ELMOD1: variants seen among roughly 807,000 people sequenced by gnomAD.
ELMOD1 encodes ELMO domain containing 1.
A neutral mutation model predicts 46.7 loss-of-function variants in ELMOD1; 21 were observed. That is an observed-to-expected ratio of 0.45 (90% confidence interval 0.32 to 0.65). The LOEUF is 0.65. Among genes scored for constraint, ELMOD1 ranks in the 30% least tolerant of loss-of-function variants. The probability of loss-of-function intolerance (pLI) is 0.04; values close to 1 mark genes in which losing one functional copy is unlikely to be tolerated. For missense variants in ELMOD1, 348 were observed against 407.8 expected (o/e 0.85, Z 1.26); for synonymous variants, 122 against 138.2 (o/e 0.88, Z 0.82).
chr11:107,597,414 T>C (rs1865510649), intron 1 of ELMOD1, among the ~76,000 whole-genome samples: 1 of 152,196 alleles, frequency 6.6e-6, no homozygotes, highest in South Asian at 2.1e-4. Context: ...TGCTATACTT[T>C]GGTTGGATTC....
chr11:107,626,376 G>GAA (rs111962841), intron 2 of ELMOD1, among the ~76,000 whole-genome samples: 62 of 66,898 alleles, frequency 9.3e-4, no homozygotes, highest in African/African-American at 2.6e-3. Context: ...ATGCAGTCAT[G>GAA]AAAAAAAAAA....
At chr11:107,623,097 G>A (rs2135679227) in intron 2 of ELMOD1, among the ~76,000 whole-genome samples, 1 of 152,064 alleles carries the variant, frequency 6.6e-6, no homozygotes, top group South Asian at 2.1e-4. Context: ...TTAACATTAG[G>A]TATATCTCCT....
intron 1 of ELMOD1, chr11:107,591,731 G>C (rs897997317): frequency 7.7e-6 from 3 of 390,342 alleles, no homozygotes; most frequent in African/African-American, 2.1e-5. Flanking sequence ...CCGAGGGCTC[G>C]GGGAAGGGAT....
At chr11:107,664,425 G>A (rs1273835107) in intron 11 of ELMOD1, among the ~76,000 whole-genome samples, 1 of 152,118 alleles carries the variant, frequency 6.6e-6, no homozygotes, top group African/African-American at 2.4e-5. Context: ...CTCGTGGATA[G>A]CATTTTTGAG....
intron 2 of ELMOD1, among the ~76,000 whole-genome samples, chr11:107,629,348 T>C (rs1267599335): frequency 6.6e-6 from 1 of 152,164 alleles, no homozygotes; most frequent in Admixed American, 6.5e-5. Context: ...TTAGTGAACT[T>C]TTGAGAATAA....
chr11:107,663,668 G>A (rs1391171789), intron 11 of ELMOD1, among the ~76,000 whole-genome samples: 1 of 152,184 alleles, frequency 6.6e-6, no homozygotes, highest in Non-Finnish European at 1.5e-5. Context: ...TGGGGGCAGT[G>A]AAGGTCACTC....
intron 9 of ELMOD1, among the ~76,000 whole-genome samples, chr11:107,651,913 T>C (rs1275410908): frequency 6.6e-6 from 1 of 152,208 alleles, no homozygotes; most frequent in African/African-American, 2.4e-5. Flanking sequence ...AAAAGCTTCA[T>C]AGTTGTATCT....
At chr11:107,594,250 G>A (rs537695813) in intron 1 of ELMOD1, among the ~76,000 whole-genome samples, 107 of 151,510 alleles carry the variant, frequency 7.1e-4, no homozygotes, top group Non-Finnish European at 1.3e-3. Flanking sequence ...ATAAGAGAGC[G>A]AGATCTTATC....
intron 6 of ELMOD1, among the ~76,000 whole-genome samples, chr11:107,645,440 C>T (rs1464838409): frequency 2.6e-5 from 4 of 152,162 alleles, no homozygotes; most frequent in African/African-American, 9.7e-5. Context: ...TCTCCTGCCT[C>T]AGCCTCCCAA....
intron 7 of ELMOD1, among the ~76,000 whole-genome samples, chr11:107,648,426 A>C (rs375541921): frequency 1.3e-5 from 2 of 152,230 alleles, no homozygotes; most frequent in East Asian, 3.8e-4. Context: ...TCAGATTGAC[A>C]TCACAGCGGG....
intron 2 of ELMOD1, among the ~76,000 whole-genome samples, chr11:107,629,424 A>T (rs1866098878): frequency 6.6e-6 from 1 of 152,252 alleles, no homozygotes; most frequent in South Asian, 2.1e-4. Flanking sequence ...CTGGGGATGT[A>T]CAGTATAAAG....
intron 6 of ELMOD1, among the ~76,000 whole-genome samples, chr11:107,644,430 A>T (rs1338385150): frequency 1.3e-5 from 2 of 152,122 alleles, no homozygotes; most frequent in Non-Finnish European, 2.9e-5. Context: ...TGCTTTTGCC[A>T]TCTTGCTGCA....
chr11:107,616,209 T>C (rs1391494610), intron 1 of ELMOD1, among the ~76,000 whole-genome samples: 5 of 152,070 alleles, frequency 3.3e-5, no homozygotes, highest in Non-Finnish European at 7.4e-5. Context: ...TTGGCCAGGC[T>C]GGTCTCAAAC....
At chr11:107,627,761 A>G (rs541263795) in intron 2 of ELMOD1, among the ~76,000 whole-genome samples, 89 of 152,310 alleles carry the variant, frequency 5.8e-4, no homozygotes, top group Non-Finnish European at 1.1e-3. Context: ...AATAGGAAGA[A>G]TACAGAGACA....
chr11:107,630,665 T>A (rs762889330), intron 3 of ELMOD1, 35 bp from the exon 4 acceptor site: 3 of 1,606,294 alleles, frequency 1.9e-6, no homozygotes, highest in Admixed American at 3.4e-5. Context: ...TAAAGGATAA[T>A]CTTTGAATGA....
chr11:107,651,357 A>G (rs1387924089), intron 9 of ELMOD1, among the ~76,000 whole-genome samples: 2 of 152,126 alleles, frequency 1.3e-5, no homozygotes, highest in Admixed American at 6.6e-5. Context: ...TTATTTTGCA[A>G]TCATAGTTTT....
intron 1 of ELMOD1, among the ~76,000 whole-genome samples, chr11:107,595,153 GTT>G (rs11358593): frequency 2.5e-4 from 37 of 145,666 alleles, no homozygotes; most frequent in Middle Eastern, 3.6e-3. Flanking sequence ...CAATAAATCT[GTT>G]TTTTTTTTTT....
intron 6 of ELMOD1, among the ~76,000 whole-genome samples, chr11:107,638,211 A>G (rs908585581): frequency 1.1e-4 from 17 of 152,170 alleles, no homozygotes; most frequent in Non-Finnish European, 2.5e-4. Flanking sequence ...AATCTTCACT[A>G]GCTCCCCAAG....
intron 2 of ELMOD1, among the ~76,000 whole-genome samples, chr11:107,626,916 G>T (rs1303059829): frequency 2.0e-5 from 3 of 152,288 alleles, no homozygotes; most frequent in East Asian, 3.9e-4. Context: ...GCCAGCCTGA[G>T]TTGCTCACAT....
Sources: allele counts gnomAD v4.1 joint callset (sites outside exome capture counted in the v4.1 genomes callset), GRCh38; gene constraint gnomAD v4.1.1; transcripts MANE v1.5; gene names NCBI Gene and HGNC (gene_info 2026-07-23, HGNC 2026-07-21).